Variants in CROCC2 observed in about 807,000 individuals in gnomAD.
The protein encoded by CROCC2 is ciliary rootlet coiled-coil, rootletin family member 2.
CROCC2 carries 163 observed loss-of-function variants against 177.6 expected under a neutral mutation model. The observed-to-expected ratio is 0.92, with a 90% CI of 0.81 to 1.05. CROCC2 has a LOEUF of 1.05. Among genes scored for constraint, CROCC2 ranks in the 50% least tolerant of loss-of-function variants. The probability of loss-of-function intolerance (pLI) is 0.00; values close to 1 mark genes in which losing one functional copy is unlikely to be tolerated. For missense variants in CROCC2, 1,929 were observed against 1,797.8 expected (o/e 1.07, Z -1.32); for synonymous variants, 904 against 787.3 (o/e 1.15, Z -2.48).
intron 1 of CROCC2, among the ~76,000 whole-genome samples, chr2:240,913,420 TG>T (rs967859338): frequency 1.3e-5 from 2 of 152,182 alleles, no homozygotes; most frequent in African/African-American, 4.8e-5. Context: ...TCGAGTTCCT[TG>T]TTCTGAGTCA....
intron 8 of CROCC2, 140 bp downstream of exon 8, chr2:240,932,554 C>G (rs981057559): frequency 4.4e-6 from 3 of 689,116 alleles, no homozygotes; most frequent in Admixed American, 4.2e-5. Context: ...CTTTGAGGCA[C>G]GTCAGGAAGG....
At chr2:240,914,075 C>T (rs562309128) in intron 1 of CROCC2, among the ~76,000 whole-genome samples, 2 of 152,374 alleles carry the variant, frequency 1.3e-5, no homozygotes, top group South Asian at 4.1e-4. Context: ...GGCTGCCGCC[C>T]GGCCCGGAAG....
intron 14 of CROCC2, among the ~76,000 whole-genome samples, chr2:240,944,708 A>G (rs1219264565): frequency 6.6e-6 from 1 of 152,084 alleles, no homozygotes; most frequent in Non-Finnish European, 1.5e-5. Flanking sequence ...CACGTGAATC[A>G]GCTATTTTAA....
rs28415027 is a variant in CROCC2 at position 240,917,255 on chromosome 2, G to A, written c.79-1471G>A. On this transcript the variant is annotated intron_variant, in intron 1 of 31. Transcript: ENST00000690015. The surrounding 1 kb of genome is among the most constrained non-coding windows in gnomAD (Gnocchi z 4.9). Reference sequence around the variant, plus strand: ...GAGTCGGAATAGGGCCTCTCCAGGCGCCATGCTGAGCCTGGGTCTGCGGTG... The same window carrying A: ...GAGTCGGAATAGGGCCTCTCCAGGCACCATGCTGAGCCTGGGTCTGCGGTG... 7.8e-3 allele frequency among the ~76,000 whole-genome samples: 1,060 copies of A among 136,412 alleles called. 11 individuals are homozygous for A. Among genetic ancestry groups the A allele is most frequent in the African/African-American group, 0.033 (982 of 29,876 alleles). 89.5% of individuals were successfully genotyped at this position (136,412 alleles called of 152,430 possible). A position where few individuals can be genotyped will look rare whatever the true frequency, so the allele number is the denominator to read the frequency against.
At position 240,933,728 on chromosome 2, in the gene CROCC2, G is replaced by A; in HGVS notation, c.1522G>A (p.Asp508Asn). 1.9e-6 allele frequency: 3 copies of A among 1,550,320 alleles called. No individual in the cohort carries two copies. Among genetic ancestry groups the A allele is most frequent in the Non-Finnish European group, 2.6e-6 (3 of 1,146,858 alleles). The change falls in exon 11 of 32, where the codon GAT becomes AAT. Residue 508 changes from aspartate to asparagine, a missense_variant. This residue lies in a region of CROCC2 where 1,397 missense variants were observed against 1,239.9 expected (regional missense o/e 1.13). Transcript: ENST00000690015. ...EELKGKADAA[D>N]AEKQGLEAEA... The stretch of plus-strand genomic sequence containing the variant: ...GCTGAAAGGGAAGGCAGATGCTGCA[G>A]ATGCGGAGAAGCAGGGGCTGGAGGC...
chr2:240,947,218 G>A (rs1404413070), intron 15 of CROCC2, among the ~76,000 whole-genome samples: 2 of 152,262 alleles, frequency 1.3e-5, no homozygotes, highest in Admixed American at 1.3e-4. Context: ...CCAAATGAAA[G>A]CTTGCACAGC....
intron 14 of CROCC2, among the ~76,000 whole-genome samples, chr2:240,936,664 T>C (rs2059473101): frequency 6.6e-6 from 1 of 152,226 alleles, no homozygotes; most frequent in Admixed American, 6.5e-5. Context: ...TCCTTGACCC[T>C]GCCTACAAAG....
intron 1 of CROCC2, among the ~76,000 whole-genome samples, chr2:240,907,174 C>A (rs1004683650): frequency 6.6e-6 from 1 of 152,182 alleles, no homozygotes; most frequent in Non-Finnish European, 1.5e-5. Context: ...TCCATCGCTG[C>A]ACATTTGTGG....
At chr2:240,925,225 C>T (rs915963622) in intron 4 of CROCC2, among the ~76,000 whole-genome samples, 3 of 152,216 alleles carry the variant, frequency 2.0e-5, no homozygotes, top group East Asian at 3.9e-4. Context: ...GCGGGGGTGC[C>T]GGCTCCCGAG....
At chr2:240,950,189 G>GT (rs1009071598) in intron 17 of CROCC2, 145 bp from the exon 18 acceptor site, 23 of 722,670 alleles carry the variant, frequency 3.2e-5, no homozygotes, top group Non-Finnish European at 3.9e-5. Context: ...AGGGGAAGAC[G>GT]TGGGGGGTGT....
chr2:240,987,667 G>C (rs774139233), intron 28 of CROCC2, among the ~76,000 whole-genome samples: 105 of 152,356 alleles, frequency 6.9e-4, no homozygotes, highest in Admixed American at 4.9e-3. Flanking sequence ...TGAGCCCCAG[G>C]TCTGCTGCCC....
chr2:240,907,821 G>T (rs1487067732), intron 1 of CROCC2, among the ~76,000 whole-genome samples: 3 of 125,000 alleles, frequency 2.4e-5, no homozygotes, highest in Non-Finnish European at 3.4e-5. Flanking sequence ...TCCACCTCGG[G>T]TGACCTCTAC....
intron 1 of CROCC2, among the ~76,000 whole-genome samples, chr2:240,914,125 G>A (rs971689425): frequency 2.0e-5 from 3 of 152,240 alleles, no homozygotes; most frequent in Admixed American, 6.5e-5. Context: ...TGGGAAGGGG[G>A]CACACAGGGG....
In CROCC2 at chr2:240,953,148, G is replaced by A. The variant is rs980056945; in HGVS notation, c.2829+2638G>A. Among the ~76,000 whole-genome samples the A allele has an allele frequency of 6.6e-6, 1 of 152,106 alleles. No homozygotes were observed. The highest frequency in any genetic ancestry group is 2.4e-5 in the African/African-American group (1 of 41,416). ...CAGGAGTGCAGGCTTGGTGGCTCAT[G>A]CCTATGATCCCAGCACTTTGGGAGG... is the stretch of plus-strand genomic sequence containing the variant. On this transcript the variant is annotated intron_variant, in intron 18 of 31. Coordinates refer to ENST00000690015, the MANE Select transcript of CROCC2 (RefSeq NM_001351305.2). The surrounding 1 kb of genome is among the most constrained non-coding windows in gnomAD (Gnocchi z 4.0).
At chr2:240,934,828 G>C in intron 12 of CROCC2, 88 bp from the exon 13 acceptor site, 2 of 1,355,798 alleles carry the variant, frequency 1.5e-6, no homozygotes, top group South Asian at 1.7e-5. Flanking sequence ...GCACACCTCC[G>C]TGGCTCAGGG....
At chr2:240,911,296 C>A (rs1038429110) in intron 1 of CROCC2, among the ~76,000 whole-genome samples, 5 of 123,052 alleles carry the variant, frequency 4.1e-5, no homozygotes, top group African/African-American at 1.5e-4. Flanking sequence ...ACGTCCACAA[C>A]TTTTTTTTTT....
intron 20 of CROCC2, among the ~76,000 whole-genome samples, chr2:240,962,211 T>C (rs1292438025): frequency 1.3e-5 from 2 of 149,988 alleles, no homozygotes; most frequent in African/African-American, 4.9e-5. Context: ...AGCAAAGAAA[T>C]AATTATTATA....
rs925918687 is a variant in CROCC2, at chr2:240,966,323, C to A, written c.4060C>A (p.Arg1354Ser). The change falls in exon 25 of 32, where the codon CGC becomes AGC. Residue 1354 changes from arginine (R) to serine (S), a missense_variant. By Grantham distance (110) the Arg-to-Ser change is moderately radical. Around this residue, in one of 3 missense-constraint regions of CROCC2, gnomAD observed 388 missense variants for 352.7 expected, o/e 1.10. Transcript: ENST00000690015. ...ATGGCCCTCGCCCACACCCGGAGGC[C>A]GCAGCTCAGAGCTCATGGATGTGGC... is the stretch of plus-strand genomic sequence containing the variant. ...LRWPSPTPGG[R>S]SSELMDVATV... 4.8e-6 allele frequency: 2 copies of A among 413,600 alleles called. No homozygotes were observed. The allele number at this position is 413,600 out of a possible 1,614,324, so 25.6% of individuals were successfully genotyped here.
chr2:240,968,252 G>T lies in CROCC2; in HGVS notation c.4391G>T (p.Arg1464Leu). 2 of 1,529,432 alleles carry T rather than the reference G, an allele frequency of 1.3e-6. No homozygotes were observed. The highest frequency in any genetic ancestry group is 1.2e-5 in the South Asian group (1 of 83,492). The allele number at this position is 1,529,432 out of a possible 1,614,324, so 94.7% of individuals were successfully genotyped here. ...GTGCGTGCGGCAGGCCAGGAGAAGCGGCGGCTGCAGGTGGGGCAGGCGGCA... is the reference window on the plus strand; with the variant it reads ...GTGCGTGCGGCAGGCCAGGAGAAGCTGCGGCTGCAGGTGGGGCAGGCGGCA... ...ASVRAAGQEK[R>L]RLQEQLETLR... is the part of the protein sequence containing the mutation. The change falls in exon 27 of 32, where the codon CGG becomes CTG. Residue 1464 changes from arginine (R) to leucine (L), a missense_variant. Transcript: ENST00000690015.
Sources: allele counts gnomAD v4.1 joint callset (sites outside exome capture counted in the v4.1 genomes callset), GRCh38; gene constraint gnomAD v4.1.1; regional missense constraint gnomAD v4.1.1; non-coding constraint Gnocchi (gnomAD v3.1); transcripts MANE v1.5; gene names NCBI Gene and HGNC (gene_info 2026-07-23, HGNC 2026-07-21).